LNP1: variants seen among roughly 807,000 people sequenced by gnomAD.
LNP1 encodes leukemia NUP98 fusion partner 1.
In LNP1, 12 loss-of-function variants were observed where a neutral mutation model predicts 14.5. The ratio of observed to expected loss-of-function variants is 0.83; its 90% CI spans 0.53 to 1.34. The LOEUF (loss-of-function observed/expected upper bound fraction) is 1.34, where lower values mean the gene tolerates loss of function less well. LNP1 is among the 40% of genes most tolerant of loss of function. The probability of loss-of-function intolerance (pLI) is 0.00; values close to 1 mark genes in which losing one functional copy is unlikely to be tolerated. For synonymous variants in LNP1, 75 were observed against 71.4 expected (o/e 1.05, Z -0.26); for missense variants, 198 against 210.9 (o/e 0.94, Z 0.38).
rs768319953 is a variant in LNP1, at chr3:100,451,812, G to T, written c.250G>T (p.Asp84Tyr). The change falls in exon 3 of 4, where the codon GAT becomes TAT. Residue 84 changes from aspartate (D) to tyrosine (Y), a missense_variant. By Grantham distance (160) the Asp-to-Tyr change is radical. Coordinates refer to ENST00000383693, the MANE Select transcript of LNP1 (RefSeq NM_001085451.2). The part of the protein sequence containing the change: ...QEFRCRSHVR[D>Y]YRKYSEDGSF... ...ATTTCGATGCCGTAGCCACGTACGGGATTACAGAAAATACTCAGAGGATGG... is the reference window on the plus strand; with the variant it reads ...ATTTCGATGCCGTAGCCACGTACGGTATTACAGAAAATACTCAGAGGATGG... 1 of 830,872 alleles carries T rather than the reference G, an allele frequency of 1.2e-6. No individual in the cohort carries two copies. Among genetic ancestry groups the T allele is most frequent in the East Asian group, 1.0e-4 (1 of 9,768 alleles). The allele number at this position is 830,872 out of a possible 1,614,324, so 51.5% of individuals were successfully genotyped here.
intron 1 of LNP1, among the ~76,000 whole-genome samples, chr3:100,402,743 G>GT (rs894570894): frequency 2.8e-4 from 41 of 148,696 alleles, no homozygotes; most frequent in Non-Finnish European, 3.7e-4. Flanking sequence ...CATATTTGAA[G>GT]TTTTTTTTTT....
intron 1 of LNP1, among the ~76,000 whole-genome samples, chr3:100,408,340 C>G (rs1387828529): frequency 6.6e-6 from 1 of 152,210 alleles, no homozygotes; most frequent in Non-Finnish European, 1.5e-5. Context: ...TATGTACTCC[C>G]TACTGTGACC....
chr3:100,421,086 CTCTTG>C (rs534903939), intron 1 of LNP1, among the ~76,000 whole-genome samples: 58 of 152,268 alleles, frequency 3.8e-4, no homozygotes, highest in African/African-American at 1.3e-3. Flanking sequence ...TCAAGTGATC[CTCTTG>C]TCTTGGCCTC....
chr3:100,408,953 T>C (rs1559839039), intron 1 of LNP1, among the ~76,000 whole-genome samples: 1 of 152,234 alleles, frequency 6.6e-6, no homozygotes, highest in Non-Finnish European at 1.5e-5. Context: ...ATTTTATACA[T>C]AGATAGTTGT....
At chr3:100,409,540 C>A (rs573331226) in intron 1 of LNP1, among the ~76,000 whole-genome samples, 2,113 of 145,900 alleles carry the variant, frequency 0.014, 46 homozygotes, top group African/African-American at 0.045. Flanking sequence ...CTCTCTCTCT[C>A]TCTATATATA....
intron 2 of LNP1, among the ~76,000 whole-genome samples, chr3:100,451,113 A>C (rs1308731518): frequency 6.6e-6 from 1 of 152,216 alleles, no homozygotes; most frequent in Non-Finnish European, 1.5e-5. Flanking sequence ...CATGGTTGCC[A>C]AAATGTGAAC....
chr3:100,447,958 A>G (rs1036696627), intron 2 of LNP1, among the ~76,000 whole-genome samples: 5 of 152,220 alleles, frequency 3.3e-5, no homozygotes, highest in African/African-American at 1.2e-4. Flanking sequence ...TTTCCTACAA[A>G]TATATTTTTA....
intron 2 of LNP1, among the ~76,000 whole-genome samples, chr3:100,434,272 T>C (rs894922318): frequency 1.3e-5 from 2 of 152,166 alleles, no homozygotes; most frequent in Non-Finnish European, 2.9e-5. Flanking sequence ...CCAGTTTCAG[T>C]TTTCTGCATA....
chr3:100,413,766 G>A (rs1020728687), intron 1 of LNP1, among the ~76,000 whole-genome samples: 2 of 152,214 alleles, frequency 1.3e-5, no homozygotes, highest in African/African-American at 4.8e-5. Context: ...GGAGAAAGGT[G>A]CTTCTTTTTA....
chr3:100,428,129 G>A (rs1369127462), intron 1 of LNP1, among the ~76,000 whole-genome samples: 2 of 152,134 alleles, frequency 1.3e-5, no homozygotes, highest in African/African-American at 4.8e-5. Flanking sequence ...ACTTGATTTT[G>A]CCGCTTAGTA....
In LNP1 at chr3:100,425,271, C is replaced by A. The variant is rs144589571; in HGVS notation, c.-33-4426C>A. On this transcript the variant is annotated intron_variant, in intron 1 of 3. Transcript: ENST00000383693. ...GAATTCAGCCTATGGTTTCCCTGTC[C>A]AGTCTAAATAATTCAGCTAAGTTCT... Among the ~76,000 whole-genome samples the A allele has an allele frequency of 2.1e-3, 314 of 152,320 alleles. 1 individual carries two copies. Among genetic ancestry groups the A allele is most frequent in the African/African-American group, 6.2e-3 (257 of 41,560 alleles).
At chr3:100,449,719 T>C (rs1334442059) in intron 2 of LNP1, among the ~76,000 whole-genome samples, 1 of 151,986 alleles carries the variant, frequency 6.6e-6, no homozygotes, top group East Asian at 1.9e-4. Context: ...ACATAACACA[T>C]ATACACACAC....
chr3:100,434,461 G>A (rs1478339907), intron 2 of LNP1, among the ~76,000 whole-genome samples: 1 of 151,698 alleles, frequency 6.6e-6, no homozygotes, highest in African/African-American at 2.4e-5. Context: ...TTACCATGCT[G>A]TTTTGGTTAC....
chr3:100,425,732 A>G (rs2148902521), intron 1 of LNP1, among the ~76,000 whole-genome samples: 1 of 152,318 alleles, frequency 6.6e-6, no homozygotes, highest in Middle Eastern at 3.4e-3. Context: ...GTTTCATGTA[A>G]CAACCAGAAA....
chr3:100,432,092 CT>C (rs1707249126), intron 2 of LNP1, among the ~76,000 whole-genome samples: 1 of 136,178 alleles, frequency 7.3e-6, no homozygotes, highest in East Asian at 2.1e-4. Context: ...AATTTTTTGT[CT>C]GCTTTGAGCT....
chr3:100,409,589 C>CAT (rs1234148613), intron 1 of LNP1, among the ~76,000 whole-genome samples: 3 of 98,414 alleles, frequency 3.0e-5, no homozygotes, highest in African/African-American at 5.2e-5. Flanking sequence ...CACACACACA[C>CAT]ACATATATAT....
chr3:100,422,780 A>G (rs1161044302), intron 1 of LNP1, among the ~76,000 whole-genome samples: 1 of 151,162 alleles, frequency 6.6e-6, no homozygotes, highest in Non-Finnish European at 1.5e-5. Context: ...AAATCTCTGA[A>G]AACATACCTT....
At chr3:100,410,299 A>G (rs1397910483) in intron 1 of LNP1, among the ~76,000 whole-genome samples, 1 of 152,260 alleles carries the variant, frequency 6.6e-6, no homozygotes, top group Non-Finnish European at 1.5e-5. Context: ...ATACATAAAT[A>G]CATGAACAGA....
intron 2 of LNP1, among the ~76,000 whole-genome samples, chr3:100,436,619 T>G (rs1707296977): frequency 6.6e-6 from 1 of 152,202 alleles, no homozygotes; most frequent in African/African-American, 2.4e-5. Flanking sequence ...ATTTTCTCTT[T>G]ACTTCATTGT....
Sources: allele counts gnomAD v4.1 joint callset (sites outside exome capture counted in the v4.1 genomes callset), GRCh38; gene constraint gnomAD v4.1.1; transcripts MANE v1.5; gene names NCBI Gene and HGNC (gene_info 2026-07-23, HGNC 2026-07-21).